ZBTB20: variants seen among roughly 807,000 people sequenced by gnomAD.
ZBTB20 encodes the protein zinc finger and BTB domain-containing protein 20.
A neutral mutation model predicts 56.9 loss-of-function variants in ZBTB20; 9 were observed. That is an observed-to-expected ratio of 0.16 (90% CI 0.10 to 0.28). The LOEUF is 0.28. ZBTB20 is among the 10% of genes least tolerant of loss of function. The probability of loss-of-function intolerance (pLI) is 1.00; values close to 1 mark genes in which losing one functional copy is unlikely to be tolerated. For missense variants in ZBTB20, 655 were observed against 1,003.0 expected (o/e 0.65, Z 4.69); for synonymous variants, 417 against 420.7 (o/e 0.99, Z 0.11).
chr3:114,902,083 C>T (rs1407494298), intron 3 of ZBTB20, among the ~76,000 whole-genome samples: 2 of 152,124 alleles, frequency 1.3e-5, no homozygotes, highest in Non-Finnish European at 2.9e-5. Context: ...GTAACTGTGC[C>T]TACAGTGAGA....
chr3:114,634,164 G>A (rs2059127694), intron 6 of ZBTB20, among the ~76,000 whole-genome samples: 1 of 152,058 alleles, frequency 6.6e-6, no homozygotes, highest in South Asian at 2.1e-4. Flanking sequence ...ATACAACTGA[G>A]GCCCAGATAA....
At chr3:114,765,851 A>G (rs2068751145) in intron 5 of ZBTB20, among the ~76,000 whole-genome samples, 1 of 152,190 alleles carries the variant, frequency 6.6e-6, no homozygotes, top group Non-Finnish European at 1.5e-5. Context: ...ATGGTTTTCA[A>G]TTTTTCCTAA....
intron 5 of ZBTB20, among the ~76,000 whole-genome samples, chr3:114,695,461 G>A (rs918799038): frequency 1.3e-5 from 2 of 151,954 alleles, no homozygotes; most frequent in Non-Finnish European, 2.9e-5. Context: ...TTCAGAGACC[G>A]TGAAAACCCA....
chr3:114,535,180 C>CA (rs869137186), intron 6 of ZBTB20, among the ~76,000 whole-genome samples: 2 of 151,958 alleles, frequency 1.3e-5, no homozygotes, highest in African/African-American at 4.8e-5. Flanking sequence ...AAAAACCCTT[C>CA]AAAAAATTGA....
At chr3:115,117,584 T>A (rs1205684830) in intron 1 of ZBTB20, among the ~76,000 whole-genome samples, 1 of 152,112 alleles carries the variant, frequency 6.6e-6, no homozygotes, top group Non-Finnish European at 1.5e-5. Context: ...GAATTTTTAT[T>A]TTTAATAAAT....
At position 115,135,796 on chromosome 3, in the gene ZBTB20, T is replaced by A. The variant is rs113408774; in HGVS notation, c.-703+11423A>T. ...CTAAGTAATTATATTATATTATCAC[T>A]AATATTACAGTGTTTAACTGGATAA... is the stretch of plus-strand genomic sequence containing the variant. On this transcript the variant is annotated intron_variant, in intron 1 of 11. Transcript: ENST00000675478. 5.9e-3 allele frequency among the ~76,000 whole-genome samples: 903 copies of A among 152,248 alleles called. 13 individuals carry two copies. The highest frequency in any genetic ancestry group is 0.021 in the African/African-American group (874 of 41,558).
chr3:114,955,129 C>G (rs1208440704), intron 3 of ZBTB20, among the ~76,000 whole-genome samples: 1 of 152,168 alleles, frequency 6.6e-6, no homozygotes, highest in Non-Finnish European at 1.5e-5. Context: ...TTGAGCCCTT[C>G]ACCAACTCAG....
intron 8 of ZBTB20, among the ~76,000 whole-genome samples, chr3:114,381,333 T>C (rs1214487460): frequency 6.6e-6 from 1 of 152,158 alleles, no homozygotes. Context: ...TAGAAAGTAA[T>C]TGTTACTAAT....
chr3:114,853,541 C>T (rs1176964653), intron 4 of ZBTB20, among the ~76,000 whole-genome samples: 1 of 152,236 alleles, frequency 6.6e-6, no homozygotes, highest in Admixed American at 6.5e-5. Flanking sequence ...TCCAATCCTT[C>T]TCTCAATCAA....
At chr3:114,362,853 T>C (rs975367496) in intron 10 of ZBTB20, among the ~76,000 whole-genome samples, 2 of 152,220 alleles carry the variant, frequency 1.3e-5, no homozygotes, top group Non-Finnish European at 2.9e-5. Flanking sequence ...CTTTTGCCTA[T>C]GTTAGGGAAG....
intron 2 of ZBTB20, among the ~76,000 whole-genome samples, chr3:115,036,756 CAT>C (rs1320949223): frequency 6.6e-6 from 1 of 152,034 alleles, no homozygotes; most frequent in East Asian, 1.9e-4. Flanking sequence ...CCCAAAAATA[CAT>C]AGATAGGGAA....
chr3:114,487,698 AC>A (rs1196410950), intron 7 of ZBTB20, among the ~76,000 whole-genome samples: 1 of 152,196 alleles, frequency 6.6e-6, no homozygotes, highest in Non-Finnish European at 1.5e-5. Context: ...CCCTGTCATC[AC>A]AGTTTGCACG....
At chr3:114,407,212 G>T (rs995511661) in intron 7 of ZBTB20, among the ~76,000 whole-genome samples, 3 of 152,128 alleles carry the variant, frequency 2.0e-5, no homozygotes, top group Non-Finnish European at 2.9e-5. Flanking sequence ...AATAAGAACT[G>T]TAGAGACAAT....
chr3:114,818,136 C>T (rs2073047456), intron 4 of ZBTB20, among the ~76,000 whole-genome samples: 1 of 152,066 alleles, frequency 6.6e-6, no homozygotes, highest in Admixed American at 6.5e-5. Context: ...ATCTATATTA[C>T]ATAAGTCTAT....
At chr3:114,802,159 A>G (rs2071767631) in intron 4 of ZBTB20, among the ~76,000 whole-genome samples, 1 of 151,928 alleles carries the variant, frequency 6.6e-6, no homozygotes, top group Admixed American at 6.6e-5. Context: ...AGGTAATATA[A>G]TTCGCTTTCA....
At chr3:114,554,084 G>A (rs1019416555) in intron 6 of ZBTB20, among the ~76,000 whole-genome samples, 7 of 152,114 alleles carry the variant, frequency 4.6e-5, no homozygotes, top group Non-Finnish European at 7.4e-5. Context: ...TCAGCCTCAC[G>A]TATTCATGGA....
intron 6 of ZBTB20, among the ~76,000 whole-genome samples, chr3:114,605,671 T>C (rs1339538363): frequency 1.3e-5 from 2 of 152,112 alleles, no homozygotes; most frequent in Non-Finnish European, 2.9e-5. Flanking sequence ...TAAGCATAAA[T>C]AGCTGTGAGA....
chr3:114,464,480 C>A (rs4618194), intron 7 of ZBTB20, among the ~76,000 whole-genome samples: 151,691 of 152,352 alleles, frequency 1, 75,521 homozygotes, highest in East Asian at 1. Flanking sequence ...AATATTTTAA[C>A]TTAAAGCCAG....
At chr3:114,995,897 C>T (rs931105392) in intron 2 of ZBTB20, among the ~76,000 whole-genome samples, 19 of 151,788 alleles carry the variant, frequency 1.3e-4, no homozygotes, top group Non-Finnish European at 5.9e-5. Context: ...GCCAGTTCCT[C>T]ACATCCATCT....
Sources: allele counts gnomAD v4.1 joint callset (sites outside exome capture counted in the v4.1 genomes callset), GRCh38; gene constraint gnomAD v4.1.1; transcripts MANE v1.5; gene names NCBI Gene and HGNC (gene_info 2026-07-23, HGNC 2026-07-21).